Variants in TAF4 observed in about 807,000 individuals in gnomAD.
The protein encoded by TAF4 is transcription initiation factor TFIID subunit 4.
In TAF4, 9 loss-of-function variants were observed where a neutral mutation model predicts 90.3. The observed-to-expected ratio is 0.10, with a 90% CI of 0.06 to 0.17. The LOEUF is 0.17. TAF4 is among the 10% of genes least tolerant of loss of function. TAF4 has a pLI of 1.00. For synonymous variants in TAF4, 818 were observed against 638.9 expected, an observed-to-expected ratio of 1.28 and a Z score of -4.23; for missense variants, 1,351 against 1,370.7, an observed-to-expected ratio of 0.99 and a Z score of 0.23.
chr20:61,997,693 G>A lies in TAF4; in HGVS notation c.2971-24C>T, dbSNP rs377475971. ...ATCTTTTATTTTGAAAAGGAGACAA[G>A]GAGCATCATTTCTTGCATGTTTTTT... On this transcript the variant is annotated intron_variant, in intron 13 of 14. Transcript: ENST00000252996. 3.7e-6 allele frequency: 6 copies of A among 1,602,228 alleles called. No individual in the cohort carries two copies. The African/African-American group carries it at 6.7e-5, about 18-fold the overall frequency.
chr20:62,014,489 G>C, intron 2 of TAF4, 58 bp downstream of exon 2: 1 of 1,521,168 alleles, frequency 6.6e-7, no homozygotes, highest in African/African-American at 1.4e-5. Flanking sequence ...CCCAGCATGC[G>C]TGGGGAGAGG....
intron 8 of TAF4, among the ~76,000 whole-genome samples, 187 bp from the exon 9 acceptor site, chr20:62,003,461 A>G (rs1327822876): frequency 6.6e-6 from 1 of 152,204 alleles, no homozygotes; most frequent in Non-Finnish European, 1.5e-5. Context: ...TCGAGCATTT[A>G]TTTTCCTGTA....
At chr20:61,977,951 G>A (rs961541786) in intron 14 of TAF4, among the ~76,000 whole-genome samples, 19 of 152,236 alleles carry the variant, frequency 1.2e-4, no homozygotes, top group African/African-American at 2.9e-4. Context: ...AAGGAGAGAC[G>A]CTCATCTCAG....
intron 1 of TAF4, among the ~76,000 whole-genome samples, chr20:62,022,871 C>A (rs938040223): frequency 6.6e-6 from 1 of 151,786 alleles, no homozygotes; most frequent in Non-Finnish European, 1.5e-5. Flanking sequence ...GCCCCCCCCC[C>A]GCACATTGCA....
chr20:61,985,843 G>A (rs2055586132), intron 14 of TAF4, among the ~76,000 whole-genome samples: 4 of 151,850 alleles, frequency 2.6e-5, no homozygotes. Flanking sequence ...CACCCCAGGA[G>A]CAATGAGCAC....
Position 62,010,040 on chromosome 20 carries a change from T to A in TAF4, c.1761+6A>T. 1 of 1,612,928 alleles carries A rather than the reference T, an allele frequency of 6.2e-7. No homozygotes were observed. ...CTTTGAAGGCACGGAAAGGAGTGGC[T>A]CTTACCGTGGCAGCTGAGGAAGTGG... On this transcript the variant is annotated splice_donor_region_variant and intron_variant, in intron 4 of 14. Coordinates refer to ENST00000252996, the MANE Select transcript of TAF4 (RefSeq NM_003185.4). The surrounding 1 kb of genome is among the most constrained non-coding windows in gnomAD (Gnocchi z 4.5).
chr20:61,994,127 A>C (rs577015194), intron 14 of TAF4, among the ~76,000 whole-genome samples: 1 of 152,194 alleles, frequency 6.6e-6, no homozygotes, highest in East Asian at 1.9e-4. Context: ...AAGGCTAATC[A>C]ATATCTTTCA....
At chr20:62,047,928 G>C (rs1007490988) in intron 1 of TAF4, among the ~76,000 whole-genome samples, 2 of 152,212 alleles carry the variant, frequency 1.3e-5, no homozygotes, top group African/African-American at 2.4e-5. Flanking sequence ...CACGGGCGCT[G>C]CCTGACACCG....
At position 62,009,154 on chromosome 20, in the gene TAF4, C is replaced by T. The variant is rs2055764071; in HGVS notation, c.1782G>A (p.Lys594=). ...ACGTAGATAGGAAATTTTTACATTT[C>T]TTCACGTTTTCCATAGTTTCCTGGA... The part of the protein sequence containing the change: ...SAATETMENV[K]KCKNFLSTLI... Residue 594 remains lysine, a synonymous_variant, in exon 5 of 15, where the codon AAG becomes AAA. Coordinates refer to ENST00000252996, the MANE Select transcript of TAF4 (RefSeq NM_003185.4). 1 of 1,611,394 alleles carries T rather than the reference C, an allele frequency of 6.2e-7. No individual in the cohort carries two copies. The highest frequency in any genetic ancestry group is 1.3e-5 in the African/African-American group (1 of 74,930).
chr20:61,982,119 G>A (rs1415486873), intron 14 of TAF4, among the ~76,000 whole-genome samples: 1 of 107,614 alleles, frequency 9.3e-6, no homozygotes, highest in East Asian at 4.5e-4. Context: ...CACCGGAGAG[G>A]AGACATCAAA....
chr20:61,985,120 G>A (rs1276329755), intron 14 of TAF4, among the ~76,000 whole-genome samples: 1 of 149,272 alleles, frequency 6.7e-6, no homozygotes, highest in African/African-American at 2.5e-5. Context: ...CCGGACCATG[G>A]CAACGCTCCA....
chr20:61,997,515 TC>T, intron 14 of TAF4, 34 bp downstream of exon 14: 3 of 1,517,296 alleles, frequency 2.0e-6, no homozygotes, highest in Non-Finnish European at 2.7e-6. Flanking sequence ...TCCCCATGTT[TC>T]CCCCAGGACC....
chr20:61,983,384 G>C (rs550762169), intron 14 of TAF4, among the ~76,000 whole-genome samples: 13 of 152,076 alleles, frequency 8.5e-5, no homozygotes, highest in African/African-American at 2.9e-4. Flanking sequence ...GGCCAGGTAC[G>C]GCAACTCACA....
At position 62,003,805 on chromosome 20, in the gene TAF4, A is replaced by G; in HGVS notation, c.2297T>C (p.Val766Ala). 6.2e-7 allele frequency: 1 copy of G among 1,608,656 alleles called. No homozygotes were observed. Among genetic ancestry groups the G allele is most frequent in the African/African-American group, 1.3e-5 (1 of 74,830 alleles). ...CCGGTTGTGAGGCTGCCGCAGGGCG[A>G]CCATGGGTGTCTGCGTCAACGTCAC... Reference protein sequence around the residue: ...PQVTLTQTPMVALRQPHNRIM... With the variant: ...PQVTLTQTPMAALRQPHNRIM... Residue 766 changes from valine (V) to alanine (A), a missense_variant, in exon 8 of 15, where the codon GTC becomes GCC. Around this residue, in one of 9 missense-constraint regions of TAF4, gnomAD observed 202 missense variants for 229.7 expected, o/e 0.88. Coordinates refer to ENST00000252996, the MANE Select transcript of TAF4 (RefSeq NM_003185.4).
At chr20:62,042,335 T>C (rs1315722011) in intron 1 of TAF4, among the ~76,000 whole-genome samples, 1 of 152,192 alleles carries the variant, frequency 6.6e-6, no homozygotes, top group Non-Finnish European at 1.5e-5. Context: ...TCCATCTCAC[T>C]GAAGGCCACC....
At chr20:62,062,662 C>T (rs2056095879) in intron 1 of TAF4, among the ~76,000 whole-genome samples, 1 of 152,188 alleles carries the variant, frequency 6.6e-6, no homozygotes, top group African/African-American at 2.4e-5. Flanking sequence ...ATCAAACACA[C>T]CCGACCCTAA....
chr20:62,000,708 T>G lies in TAF4; in HGVS notation c.2500A>C (p.Ile834Leu), dbSNP rs780636540. 1 of 1,614,250 alleles carries G rather than the reference T, an allele frequency of 6.2e-7. No individual in the cohort carries two copies. The highest frequency in any genetic ancestry group is 8.5e-7 in the Non-Finnish European group (1 of 1,180,040). Reference protein sequence around the residue: ...GGGSFRDDDDINDVASMAGVN... With the variant: ...GGGSFRDDDDLNDVASMAGVN... The stretch of plus-strand genomic sequence containing the variant: ...CCAGCCATCGATGCAACATCATTAA[T>G]GTCATCATCGTCCCTTGAGGAAAGA... The change falls in exon 10 of 15, where the codon ATT (isoleucine) becomes CTT (leucine). Residue 834 changes from isoleucine (I) to leucine (L), a missense_variant. Ile to Leu is a conservative substitution (Grantham distance 5). This residue lies in a region of TAF4 where 6 missense variants were observed against 28.0 expected (regional missense o/e 0.21). Coordinates refer to ENST00000252996, the MANE Select transcript of TAF4 (RefSeq NM_003185.4).
At chr20:62,063,980 G>C (rs920447186) in intron 1 of TAF4, among the ~76,000 whole-genome samples, 3 of 152,246 alleles carry the variant, frequency 2.0e-5, no homozygotes, top group African/African-American at 4.8e-5. Context: ...GAAAGGCTAA[G>C]TGGGGACACA....
At chr20:62,055,539 A>G (rs992858155) in intron 1 of TAF4, among the ~76,000 whole-genome samples, 3 of 152,144 alleles carry the variant, frequency 2.0e-5, no homozygotes, top group Non-Finnish European at 2.9e-5. Context: ...ACCAATTCAC[A>G]CTACTTGGGG....
Sources: allele counts gnomAD v4.1 joint callset (sites outside exome capture counted in the v4.1 genomes callset), GRCh38; gene constraint gnomAD v4.1.1; regional missense constraint gnomAD v4.1.1; non-coding constraint Gnocchi (gnomAD v3.1); transcripts MANE v1.5; gene names NCBI Gene and HGNC (gene_info 2026-07-23, HGNC 2026-07-21).